HBP1: variants seen among roughly 807,000 people sequenced by gnomAD.
The protein encoded by HBP1 is HMG box-containing protein 1.
A neutral mutation model predicts 62.6 loss-of-function variants in HBP1; 20 were observed. The ratio of observed to expected loss-of-function variants is 0.32; its 90% CI spans 0.22 to 0.46. The LOEUF (loss-of-function observed/expected upper bound fraction) is 0.46, where lower values mean the gene tolerates loss of function less well. Among genes scored for constraint, HBP1 ranks in the 20% least tolerant of loss-of-function variants. The pLI, the probability that HBP1 is intolerant of heterozygous loss-of-function variation, is 1.00. For synonymous variants in HBP1, 232 were observed against 206.2 expected (o/e 1.12, Z -1.07); for missense variants, 480 against 611.8 (o/e 0.78, Z 2.27).
At chr7:107,185,576 T>C (rs1184486949) in intron 3 of HBP1, among the ~76,000 whole-genome samples, 1 of 152,212 alleles carries the variant, frequency 6.6e-6, no homozygotes, top group Non-Finnish European at 1.5e-5. Flanking sequence ...GTTTAAAATA[T>C]ATTGTCAAAT....
rs1562892779 is a variant in HBP1 at position 107,186,155 on chromosome 7, TC to T, written c.541-205del. Among the ~76,000 whole-genome samples the T allele has an allele frequency of 1.6e-3, 229 of 144,142 alleles. 1 individual carries two copies. The highest frequency in any genetic ancestry group is 5.6e-3 in the African/African-American group (213 of 38,350). The allele number at this position is 144,142 out of a possible 152,430, so 94.6% of individuals were successfully genotyped here. On this transcript the variant is annotated intron_variant, in intron 4 of 10. Transcript: ENST00000222574. The stretch of plus-strand genomic sequence containing the variant: ...CTTTGTTTTGTGTGTGTCTTTTTTT[TC>T]TTTTTTTTTCTTTTTTTTTTTTTTT...
chr7:107,181,939 T>G (rs907859270), intron 2 of HBP1, among the ~76,000 whole-genome samples: 4 of 152,032 alleles, frequency 2.6e-5, no homozygotes, highest in African/African-American at 9.7e-5. Context: ...TATTAACAAG[T>G]TCAGAATTTA....
chr7:107,195,879 T>C lies in HBP1; in HGVS notation c.1113T>C (p.Ser371=), dbSNP rs944706665. Residue 371 remains serine, a synonymous_variant, in exon 9 of 11, where the codon AGT becomes AGC. Coordinates refer to ENST00000222574, the MANE Select transcript of HBP1 (RefSeq NM_012257.4). ...ATTCTTCTGCAGTTTATGTGTTAAG[T>C]AGTATGGCTCGCCAGCGTCGTGCAT... ...PMDSSAVYVL[S]SMARQRRASL... 2 of 1,612,698 alleles carry C rather than the reference T, an allele frequency of 1.2e-6. No homozygotes were observed. Among genetic ancestry groups the C allele is most frequent in the Non-Finnish European group, 1.7e-6 (2 of 1,178,702 alleles).
Position 107,200,157 on chromosome 7 carries a change from C to T in HBP1, c.1386-3C>T, listed in dbSNP as rs781347026. On this transcript the variant is annotated splice_region_variant and splice_polypyrimidine_tract_variant and intron_variant, in intron 9 of 10. Coordinates refer to ENST00000222574, the MANE Select transcript of HBP1 (RefSeq NM_012257.4). ...CAGCATTGTGTAAATATTTATTTTA[C>T]AGAGCCATAAGTGTGATCCTTGGTG... is the stretch of plus-strand genomic sequence containing the variant. 2 of 1,570,476 alleles carry T rather than the reference C, an allele frequency of 1.3e-6. No homozygotes were observed. Among genetic ancestry groups the T allele is most frequent in the Admixed American group, 3.8e-5 (2 of 52,014 alleles).
rs946488645 is a variant in HBP1 at position 107,186,156 on chromosome 7, C to CTTT, written c.541-198_541-196dup. 1.4e-3 allele frequency among the ~76,000 whole-genome samples: 179 copies of CTTT among 127,174 alleles called. 2 individuals carry two copies. Among genetic ancestry groups the CTTT allele is most frequent in the Non-Finnish European group, 2.2e-3 (134 of 60,184 alleles). 83.4% of individuals were successfully genotyped at this position (127,174 alleles called of 152,430 possible). On this transcript the variant is annotated intron_variant, in intron 4 of 10. Transcript: ENST00000222574. The stretch of plus-strand genomic sequence containing the variant: ...TTTGTTTTGTGTGTGTCTTTTTTTT[C>CTTT]TTTTTTTTTCTTTTTTTTTTTTTTT...
At chr7:107,169,738 C>T (rs1796460343) in intron 1 of HBP1, 1 of 985,212 alleles carries the variant, frequency 1.0e-6, no homozygotes, top group South Asian at 4.7e-5. Context: ...TGAATGGGCT[C>T]CCAGGCGCCT....
chr7:107,188,841 G>C (rs1215421800), intron 6 of HBP1, among the ~76,000 whole-genome samples: 1 of 152,124 alleles, frequency 6.6e-6, no homozygotes, highest in African/African-American at 2.4e-5. Flanking sequence ...TACTTTGCCT[G>C]TCTTTAAGAG....
At chr7:107,180,453 T>A (rs1424436885) in intron 2 of HBP1, among the ~76,000 whole-genome samples, 5 of 152,202 alleles carry the variant, frequency 3.3e-5, no homozygotes, top group Non-Finnish European at 7.3e-5. Context: ...AACTTGAGGA[T>A]CTGACATTTA....
intron 1 of HBP1, among the ~76,000 whole-genome samples, chr7:107,175,916 C>A (rs1796824716): frequency 6.6e-6 from 1 of 151,936 alleles, no homozygotes; most frequent in Admixed American, 6.6e-5. Context: ...CAGGGTTTCA[C>A]CATGTTAGCC....
At chr7:107,193,644 C>T (rs1266671776) in intron 8 of HBP1, among the ~76,000 whole-genome samples, 5 of 152,092 alleles carry the variant, frequency 3.3e-5, no homozygotes, top group Admixed American at 3.3e-4. Flanking sequence ...TTATGTTATT[C>T]AGAATTGATT....
chr7:107,183,671 C>CT (rs940755004), intron 3 of HBP1, among the ~76,000 whole-genome samples: 1 of 150,446 alleles, frequency 6.6e-6, no homozygotes, highest in South Asian at 2.1e-4. Context: ...TCTAGAGATA[C>CT]TTTTTTTTCA....
Position 107,182,467 on chromosome 7 carries a change from A to C in HBP1, c.264A>C (p.Arg88Ser). The C allele has an allele frequency of 6.2e-7, 1 of 1,612,684 alleles. No individual in the cohort carries two copies. The highest frequency in any genetic ancestry group is 8.5e-7 in the Non-Finnish European group (1 of 1,178,682). Residue 88 changes from arginine (R) to serine (S), a missense_variant, in exon 3 of 11, where the codon AGA (arginine) becomes AGC (serine). By Grantham distance (110) the Arg-to-Ser change is moderately radical. Transcript: ENST00000222574. ...SSDVSHQEYPRSSWNQNTSDI... is the reference protein window; with the variant it reads ...SSDVSHQEYPSSSWNQNTSDI... ...ATGTTTCACATCAAGAATACCCAAG[A>C]TCATCTTGGAACCAAAATACCTCAG...
rs529006175 is a variant in HBP1, at chr7:107,193,224, T to C, written c.1068-2610T>C. The C allele has an allele frequency of 2.0e-5, 3 of 152,332 alleles. No homozygotes were observed. In the South Asian group the frequency reaches 6.2e-4, roughly 32 times the overall value. 9.4% of individuals were successfully genotyped at this position (152,332 alleles called of 1,614,324 possible). On this transcript the variant is annotated intron_variant, in intron 8 of 10. Transcript: ENST00000222574. ...GTTCAGGTAATATGATTTAACAAAC[T>C]TGAGTGCCTACTATATATATAATGT...
rs774394954 is a variant in HBP1 at position 107,186,392 on chromosome 7, G to T, written c.572G>T (p.Cys191Phe). The T allele has an allele frequency of 2.5e-6, 4 of 1,611,794 alleles. No homozygotes were observed. Among genetic ancestry groups the T allele is most frequent in the African/African-American group, 2.7e-5 (2 of 74,942 alleles). ...AGTGAGTCAGAATCTGGCATTTTCT[G>T]CATGTCCTCCCTGTCAGATGATGAT... ...ANSESESGIF[C>F]MSSLSDDDDL... Residue 191 changes from cysteine to phenylalanine, a missense_variant, in exon 5 of 11, where the codon TGC (cysteine) becomes TTC (phenylalanine). Cys to Phe is a radical substitution (Grantham distance 205). Coordinates refer to ENST00000222574, the MANE Select transcript of HBP1 (RefSeq NM_012257.4).
intron 8 of HBP1, chr7:107,192,486 TC>T (rs1350669998): frequency 6.6e-6 from 1 of 152,142 alleles, no homozygotes; most frequent in Non-Finnish European, 1.5e-5. Context: ...TGATTAACAT[TC>T]AGGAGAGTGG....
chr7:107,176,119 G>A (rs1796838531), intron 1 of HBP1, among the ~76,000 whole-genome samples: 1 of 150,390 alleles, frequency 6.6e-6, no homozygotes, highest in African/African-American at 2.5e-5. Context: ...TCTGTCTCCC[G>A]GGTTCAAGCG....
At chr7:107,185,596 A>G (rs1273907960) in intron 3 of HBP1, among the ~76,000 whole-genome samples, 1 of 152,242 alleles carries the variant, frequency 6.6e-6, no homozygotes, top group Non-Finnish European at 1.5e-5. Context: ...TCTGAAAAAA[A>G]CGATGTCTAA....
chr7:107,174,711 C>T, intron 1 of HBP1: 1 of 984,466 alleles, frequency 1.0e-6, no homozygotes, highest in South Asian at 4.7e-5. Flanking sequence ...AAGAGAGATA[C>T]CTGTGTAGTG....
At position 107,200,241 on chromosome 7, in the gene HBP1, T is replaced by C; in HGVS notation, c.1467T>C (p.Ala489=). The C allele has an allele frequency of 6.2e-7, 1 of 1,613,300 alleles. No homozygotes were observed. The highest frequency in any genetic ancestry group is 1.1e-5 in the South Asian group (1 of 90,954). Residue 489 remains alanine (A), a synonymous_variant, in exon 10 of 11, where the codon GCT becomes GCC. Transcript: ENST00000222574. ...GAATGTACACATTAGAAGCAAAGGC[T>C]TTGGCTGAAGAACAGAAACGTTTAA... is the stretch of plus-strand genomic sequence containing the variant. The part of the protein sequence containing the change: ...ERRMYTLEAK[A]LAEEQKRLNP...
Sources: gnomAD v4.1 joint callset for allele counts (sites outside exome capture counted in the v4.1 genomes callset) on GRCh38, gnomAD v4.1.1 for gene constraint, MANE v1.5 for transcripts, NCBI Gene and HGNC (gene_info 2026-07-23, HGNC 2026-07-21) for gene names.